RANBP9: variants seen among roughly 807,000 people sequenced by gnomAD.
The protein encoded by RANBP9 is ran-binding protein 9.
RANBP9 carries 15 observed loss-of-function variants against 84.3 expected under a neutral mutation model. That is an observed-to-expected ratio of 0.18 (90% CI 0.12 to 0.27). The LOEUF (loss-of-function observed/expected upper bound fraction) is 0.27. Among genes scored for constraint, RANBP9 ranks in the 10% least tolerant of loss-of-function variants. The pLI, the probability that RANBP9 is intolerant of heterozygous loss-of-function variation, is 1.00. For missense variants in RANBP9, 809 were observed against 912.8 expected (o/e 0.89, Z 1.46); for synonymous variants, 392 against 349.6 (o/e 1.12, Z -1.35).
At chr6:13,704,115 C>G (rs1467864421) in intron 1 of RANBP9, among the ~76,000 whole-genome samples, 1 of 152,168 alleles carries the variant, frequency 6.6e-6, no homozygotes, top group Non-Finnish European at 1.5e-5. Context: ...TCTGGCCTTA[C>G]CACTGACCCA....
At chr6:13,655,134 T>C (rs1008963046) in intron 4 of RANBP9, among the ~76,000 whole-genome samples, 2 of 152,274 alleles carry the variant, frequency 1.3e-5, no homozygotes, top group Non-Finnish European at 2.9e-5. Context: ...TTAATACTCA[T>C]TAAATTTAAG....
intron 2 of RANBP9, among the ~76,000 whole-genome samples, chr6:13,688,968 G>C (rs1464979014): frequency 8.9e-6 from 1 of 112,948 alleles, no homozygotes; most frequent in African/African-American, 3.5e-5. Flanking sequence ...GCAACATACC[G>C]AGACCCATCT....
At chr6:13,702,785 A>G (rs1276853095) in intron 1 of RANBP9, among the ~76,000 whole-genome samples, 1 of 151,892 alleles carries the variant, frequency 6.6e-6, no homozygotes, top group Non-Finnish European at 1.5e-5. Context: ...CTCTTCCTTC[A>G]TCTATATTTC....
rs2127756445 is a variant in RANBP9, at chr6:13,622,220, G to A, written c.*142C>T. The A allele has an allele frequency of 7.5e-6, 6 of 803,874 alleles. No individual in the cohort carries two copies. The highest frequency in any genetic ancestry group is 1.8e-5 in the African/African-American group (1 of 56,056). The allele number at this position is 803,874 out of a possible 1,614,324, so 49.8% of individuals were successfully genotyped here. A position where few individuals can be genotyped will look rare whatever the true frequency, so the allele number is the denominator to read the frequency against. ...GTTAGAAAATCATTTGCATCATGCT[G>A]TAAACTAGGAAGCAATGTAAAGCGA... On this transcript the variant is annotated 3_prime_UTR_variant, in exon 14 of 14. Transcript: ENST00000011619.
intron 1 of RANBP9, among the ~76,000 whole-genome samples, chr6:13,697,948 T>G (rs1282719097): frequency 6.6e-6 from 1 of 152,212 alleles, no homozygotes; most frequent in Non-Finnish European, 1.5e-5. Context: ...TCTCCTTAAA[T>G]TTATGATTGT....
intron 2 of RANBP9, among the ~76,000 whole-genome samples, chr6:13,659,345 T>C (rs978339829): frequency 6.6e-6 from 1 of 151,818 alleles, no homozygotes; most frequent in Non-Finnish European, 1.5e-5. Flanking sequence ...CATAAAAATA[T>C]CTTAATAAAA....
intron 2 of RANBP9, among the ~76,000 whole-genome samples, chr6:13,695,590 T>C (rs1375898918): frequency 2.6e-5 from 4 of 152,032 alleles, no homozygotes; most frequent in Non-Finnish European, 5.9e-5. Context: ...CAAGTTCATA[T>C]AATTTGAAGT....
At chr6:13,663,810 T>C (rs1199622624) in intron 2 of RANBP9, among the ~76,000 whole-genome samples, 2 of 152,074 alleles carry the variant, frequency 1.3e-5, no homozygotes, top group Admixed American at 6.6e-5. Flanking sequence ...TATCATGAAA[T>C]AGCTGCAGTG....
rs148218297 is a variant in RANBP9 at position 13,688,241 on chromosome 6, A to G, written c.683+8544T>C. 3.3e-3 allele frequency among the ~76,000 whole-genome samples: 505 copies of G among 152,324 alleles called. 8 individuals carry two copies. Among genetic ancestry groups the G allele is most frequent in the African/African-American group, 0.011 (470 of 41,580 alleles). Reference sequence around the variant, plus strand: ...TACATCTCCACTATATTTCTCAACAAAAGTAACTAGTCAGCTTCTAAAACA... The same window carrying G: ...TACATCTCCACTATATTTCTCAACAGAAGTAACTAGTCAGCTTCTAAAACA... On this transcript the variant is annotated intron_variant, in intron 2 of 13. Transcript: ENST00000011619.
At chr6:13,623,189 A>T (rs563662510) in intron 13 of RANBP9, among the ~76,000 whole-genome samples, 2 of 152,334 alleles carry the variant, frequency 1.3e-5, no homozygotes, top group Admixed American at 1.3e-4. Context: ...CTTGCCAGAG[A>T]TGGAAAAAAA....
At chr6:13,634,333 A>G (rs1318828345) in intron 11 of RANBP9, 98 bp downstream of exon 11, 1 of 1,410,104 alleles carries the variant, frequency 7.1e-7, no homozygotes, top group Non-Finnish European at 9.6e-7. Flanking sequence ...ACATCTTTAA[A>G]TCTGGTTTAT....
intron 2 of RANBP9, among the ~76,000 whole-genome samples, chr6:13,674,623 A>G (rs1765848543): frequency 6.6e-6 from 1 of 152,200 alleles, no homozygotes; most frequent in Non-Finnish European, 1.5e-5. Flanking sequence ...ACCCAGGCAC[A>G]AGTGTTTCTT....
At position 13,637,677 on chromosome 6, in the gene RANBP9, T is replaced by TTAA. The variant is rs1168976469; in HGVS notation, c.1673+130_1673+131insTTA. The TTAA allele has an allele frequency of 7.9e-6, 7 of 890,276 alleles. No homozygotes were observed. In the East Asian group the frequency reaches 1.9e-4, roughly 25 times the overall value. 55.1% of individuals were successfully genotyped at this position (890,276 alleles called of 1,614,324 possible). A position where few individuals can be genotyped will look rare whatever the true frequency, so the allele number is the denominator to read the frequency against. On this transcript the variant is annotated intron_variant, in intron 10 of 13. Coordinates refer to ENST00000011619, the MANE Select transcript of RANBP9 (RefSeq NM_005493.3). ...GGGAACTGACTCCCTACGCTTTTAT[T>TTAA]CTCTGGGGGCTTAAGAACTCCCAGA... is the stretch of plus-strand genomic sequence containing the variant.
chr6:13,632,577 A>G, intron 11 of RANBP9, 56 bp from the exon 12 acceptor site: 3 of 1,451,144 alleles, frequency 2.1e-6, no homozygotes, highest in African/African-American at 1.4e-5. Context: ...TATAATGAGG[A>G]CACGAACATA....
At chr6:13,685,977 A>G (rs1441591330) in intron 2 of RANBP9, among the ~76,000 whole-genome samples, 1 of 151,912 alleles carries the variant, frequency 6.6e-6, no homozygotes, top group Non-Finnish European at 1.5e-5. Flanking sequence ...AAGTGTATAT[A>G]TAAAATCCGA....
intron 4 of RANBP9, among the ~76,000 whole-genome samples, chr6:13,656,240 A>C (rs1337495376): frequency 6.6e-6 from 1 of 152,186 alleles, no homozygotes; most frequent in Admixed American, 6.5e-5. Flanking sequence ...ATTTGTAAAT[A>C]GTTTCTGCCT....
At chr6:13,659,056 A>G (rs954691353) in intron 2 of RANBP9, among the ~76,000 whole-genome samples, 4 of 152,160 alleles carry the variant, frequency 2.6e-5, no homozygotes, top group Non-Finnish European at 5.9e-5. Context: ...ATTCATAAAT[A>G]CACACAAAGC....
chr6:13,709,131 TG>T (rs1189974652), intron 1 of RANBP9, among the ~76,000 whole-genome samples: 1 of 152,216 alleles, frequency 6.6e-6, no homozygotes. Context: ...CATATAAACG[TG>T]TATTTTTCTC....
intron 4 of RANBP9, among the ~76,000 whole-genome samples, chr6:13,655,744 C>T (rs1229280367): frequency 1.3e-5 from 2 of 151,984 alleles, no homozygotes; most frequent in Admixed American, 1.3e-4. Flanking sequence ...GTTTTTGAGC[C>T]AAAGGTCACA....
Sources: gnomAD v4.1 joint callset for allele counts (sites outside exome capture counted in the v4.1 genomes callset) on GRCh38, gnomAD v4.1.1 for gene constraint, MANE v1.5 for transcripts, NCBI Gene and HGNC (gene_info 2026-07-23, HGNC 2026-07-21) for gene names.